ALX4: variants seen among roughly 807,000 people sequenced by gnomAD.
ALX4 encodes the protein homeobox protein aristaless-like 4.
In ALX4, 22 loss-of-function variants were observed where a neutral mutation model predicts 40.6. The ratio of observed to expected loss-of-function variants is 0.54; its 90% confidence interval spans 0.39 to 0.77. ALX4 has a LOEUF of 0.77. Among genes scored for constraint, ALX4 ranks in the 30% least tolerant of loss-of-function variants. The pLI is 0.00. For missense variants in ALX4, 556 were observed against 564.8 expected (o/e 0.98, Z 0.16); for synonymous variants, 266 against 240.5 (o/e 1.11, Z -0.98).
chr11:44,309,123 G>C (rs935507418), intron 1 of ALX4, among the ~76,000 whole-genome samples: 2 of 123,322 alleles, frequency 1.6e-5, no homozygotes, highest in South Asian at 3.1e-4. Flanking sequence ...CCTCCCAGCC[G>C]GCGAGGAGCG....
Position 44,275,333 on chromosome 11 carries a change from G to A in ALX4, c.777+15C>T. 2.5e-6 allele frequency: 4 copies of A among 1,614,076 alleles called. No homozygotes were observed. Among genetic ancestry groups the A allele is most frequent in the Non-Finnish European group, 3.4e-6 (4 of 1,179,972 alleles). On this transcript the variant is annotated intron_variant, in intron 2 of 3. Coordinates refer to ENST00000652299, the MANE Select transcript of ALX4 (RefSeq NM_021926.4). ...TCTGCTTTACCAGCCTCACTCCCAG[G>A]TGGCCCTCACTGACCTGCACGCGGG...
At position 44,261,706 on chromosome 11, in the gene ALX4, G is replaced by A. The variant is rs1006870326; in HGVS notation, c.*3148C>T. On this transcript the variant is annotated 3_prime_UTR_variant, in exon 4 of 4. Coordinates refer to ENST00000652299, the MANE Select transcript of ALX4 (RefSeq NM_021926.4). The stretch of plus-strand genomic sequence containing the variant: ...CCAGCAGGGACTGGAGGCTGTCAGT[G>A]TGGGGAGGCTGCCCATCCATCTGCC... 6.6e-6 allele frequency: 1 copy of A among 152,228 alleles called. No homozygotes were observed. The highest frequency in any genetic ancestry group is 1.5e-5 in the Non-Finnish European group (1 of 68,052). 9.4% of individuals were successfully genotyped at this position (152,228 alleles called of 1,614,324 possible). A position where few individuals can be genotyped will look rare whatever the true frequency, so the allele number is the denominator to read the frequency against.
At chr11:44,278,689 G>A (rs903843162) in intron 1 of ALX4, among the ~76,000 whole-genome samples, 1 of 152,194 alleles carries the variant, frequency 6.6e-6, no homozygotes, top group Admixed American at 6.5e-5. Flanking sequence ...GGGAGCCCTG[G>A]CCTCGGCCCC....
At chr11:44,307,447 G>C (rs1220375244) in intron 1 of ALX4, among the ~76,000 whole-genome samples, 1 of 152,212 alleles carries the variant, frequency 6.6e-6, no homozygotes, top group Non-Finnish European at 1.5e-5. Context: ...AGAGGGCTCA[G>C]GGGAGGCCAG....
chr11:44,290,178 T>A (rs1233415608), intron 1 of ALX4, among the ~76,000 whole-genome samples: 2 of 152,200 alleles, frequency 1.3e-5, no homozygotes, highest in African/African-American at 4.8e-5. Context: ...CCCCCAAGCC[T>A]CTGTTTCCCT....
intron 1 of ALX4, among the ~76,000 whole-genome samples, chr11:44,309,182 G>GCAGCCCCGCAGCCCCGCAGCCCCA (rs1956489112): frequency 2.1e-5 from 3 of 146,240 alleles, no homozygotes; most frequent in Admixed American, 6.7e-5. Context: ...CCGCAGCCTC[G>GCAGCCCCGCAGCCCCGCAGCCCCA]CAGCCCCGCA....
intron 1 of ALX4, among the ~76,000 whole-genome samples, chr11:44,293,111 G>A (rs1265421436): frequency 8.2e-5 from 1 of 12,154 alleles, no homozygotes; most frequent in Non-Finnish European, 3.0e-4. Context: ...AAGGAAGGAA[G>A]GAAGGAAGGA....
rs142627689 is a variant in ALX4 at position 44,298,155 on chromosome 11, A to G, written c.466+11442T>C. Among the ~76,000 whole-genome samples the G allele has an allele frequency of 8.8e-3, 1,340 of 152,346 alleles. 17 individuals are homozygous for G. Among genetic ancestry groups the G allele is most frequent in the African/African-American group, 0.03 (1,261 of 41,578 alleles). ...TTGCCAGGCGCACACTCCTCCATGC[A>G]TTCCTTCTGAGCTGTTCCCCCTCTT... is the stretch of plus-strand genomic sequence containing the variant. On this transcript the variant is annotated intron_variant, in intron 1 of 3. Coordinates refer to ENST00000652299, the MANE Select transcript of ALX4 (RefSeq NM_021926.4).
intron 2 of ALX4, among the ~76,000 whole-genome samples, chr11:44,269,270 CAT>C (rs1174096079): frequency 6.6e-6 from 1 of 152,254 alleles, no homozygotes; most frequent in Non-Finnish European, 1.5e-5. Flanking sequence ...AATGGTACCT[CAT>C]AGTCGCAGCA....
At chr11:44,288,986 C>G (rs895596132) in intron 1 of ALX4, among the ~76,000 whole-genome samples, 2 of 152,176 alleles carry the variant, frequency 1.3e-5, no homozygotes, top group Admixed American at 6.5e-5. Context: ...TTCTCTCCCC[C>G]ACCCTGTGTC....
rs60988016 is a variant in ALX4, at chr11:44,294,828, CTATTTATTTATT to C, written c.466+14757_466+14768del. On this transcript the variant is annotated intron_variant, in intron 1 of 3. Coordinates refer to ENST00000652299, the MANE Select transcript of ALX4 (RefSeq NM_021926.4). ...CCAGGAACTGTTCTAAGATCCTTAC[CTATTTATTTATT>C]TATTTATTTATTTATTTATTTATTT... 2.4e-3 allele frequency among the ~76,000 whole-genome samples: 356 copies of C among 148,324 alleles called. 1 individual carries two copies. The highest frequency in any genetic ancestry group is 3.7e-3 in the Non-Finnish European group (249 of 67,292).
chr11:44,271,799 T>C (rs542072151), intron 2 of ALX4, among the ~76,000 whole-genome samples: 1 of 152,350 alleles, frequency 6.6e-6, no homozygotes, highest in African/African-American at 2.4e-5. Context: ...TTTCATGTTT[T>C]GTACTCAAGG....
intron 1 of ALX4, among the ~76,000 whole-genome samples, chr11:44,290,176 CCT>C (rs895407886): frequency 6.6e-6 from 1 of 152,224 alleles, no homozygotes; most frequent in Non-Finnish European, 1.5e-5. Flanking sequence ...TTCCCCCAAG[CCT>C]CTGTTTCCCT....
chr11:44,270,920 C>G (rs1373586571), intron 2 of ALX4, among the ~76,000 whole-genome samples: 3 of 152,224 alleles, frequency 2.0e-5, no homozygotes, highest in Non-Finnish European at 4.4e-5. Context: ...GTCTTATTGT[C>G]TTCAGACACC....
chr11:44,306,195 C>T (rs1022591257), intron 1 of ALX4, among the ~76,000 whole-genome samples: 2 of 152,218 alleles, frequency 1.3e-5, no homozygotes, highest in African/African-American at 4.8e-5. Flanking sequence ...ACGCGGTCTC[C>T]GCACCCAAAG....
At chr11:44,268,918 C>A (rs748928375) in intron 2 of ALX4, among the ~76,000 whole-genome samples, 5 of 152,240 alleles carry the variant, frequency 3.3e-5, no homozygotes, top group Admixed American at 6.5e-5. Flanking sequence ...ATGACAATAG[C>A]CTCAGCTGCA....
chr11:44,304,926 T>C (rs942442328), intron 1 of ALX4, among the ~76,000 whole-genome samples: 1 of 152,226 alleles, frequency 6.6e-6, no homozygotes, highest in Admixed American at 6.5e-5. Flanking sequence ...GCGAGGTTCC[T>C]GGCGCAGCCG....
chr11:44,303,762 C>A (rs569691144), intron 1 of ALX4, among the ~76,000 whole-genome samples: 1 of 152,226 alleles, frequency 6.6e-6, no homozygotes, highest in Non-Finnish European at 1.5e-5. Flanking sequence ...GGCCGCTGCC[C>A]TTTCCTGGAC....
chr11:44,283,770 C>T (rs1956323091), intron 1 of ALX4, among the ~76,000 whole-genome samples: 1 of 152,164 alleles, frequency 6.6e-6, no homozygotes, highest in Admixed American at 6.5e-5. Flanking sequence ...CCTCATGTTG[C>T]CCAGGCTGGT....
Sources: gnomAD v4.1 joint callset for allele counts (sites outside exome capture counted in the v4.1 genomes callset) on GRCh38, gnomAD v4.1.1 for gene constraint, MANE v1.5 for transcripts, NCBI Gene and HGNC (gene_info 2026-07-23, HGNC 2026-07-21) for gene names.